Variants in EVC observed in about 807,000 individuals in gnomAD.
EVC encodes the protein EvC ciliary complex subunit 1, also known as evC complex member EVC.
Under a neutral mutation model 118.9 loss-of-function variants are expected in EVC, and 116 were observed. The ratio of observed to expected loss-of-function variants is 0.98; its 90% CI spans 0.84 to 1.14. The LOEUF is 1.14. Ranked by LOEUF, EVC falls within the 50% of genes most tolerant of loss-of-function variation. EVC has a pLI of 0.00. For synonymous variants in EVC, 619 were observed against 534.7 expected (o/e 1.16, Z -2.18); for missense variants, 1,401 against 1,246.4 (o/e 1.12, Z -1.87).
At chr4:5,732,661 G>T (rs1278461028) in intron 4 of EVC, among the ~76,000 whole-genome samples, 3 of 152,202 alleles carry the variant, frequency 2.0e-5, no homozygotes, top group African/African-American at 7.2e-5. Flanking sequence ...TGTAAAATGG[G>T]CATGAGAATG....
At chr4:5,762,130 C>T (rs1577477103) in intron 11 of EVC, among the ~76,000 whole-genome samples, 1 of 138,134 alleles carries the variant, frequency 7.2e-6, no homozygotes, top group African/African-American at 2.7e-5. Context: ...CAATTCCCAC[C>T]TATGAGTGAG....
chr4:5,720,628 C>T (rs574873693), intron 2 of EVC, among the ~76,000 whole-genome samples: 25 of 152,346 alleles, frequency 1.6e-4, no homozygotes, highest in African/African-American at 4.6e-4. Flanking sequence ...TCAGCTTTTG[C>T]GTTAGCCCTG....
intron 3 of EVC, among the ~76,000 whole-genome samples, chr4:5,730,741 G>A (rs185542688): frequency 1.3e-5 from 2 of 152,140 alleles, no homozygotes; most frequent in Admixed American, 1.3e-4. Context: ...CAACAAATGG[G>A]GGGTGTTTCA....
chr4:5,758,378 C>A (rs1462807737), intron 11 of EVC: 5 of 472,764 alleles, frequency 1.1e-5, no homozygotes, highest in African/African-American at 5.9e-5. Context: ...TTGTTCAGGG[C>A]TAGCTCCTAT....
intron 11 of EVC, among the ~76,000 whole-genome samples, chr4:5,769,107 C>G (rs1733520964): frequency 6.6e-6 from 1 of 152,132 alleles, no homozygotes; most frequent in Admixed American, 6.5e-5. Context: ...ATACCCGAGA[C>G]TGAGTAATTT....
At chr4:5,818,054 T>A (rs927367135), downstream of EVC, among the ~76,000 whole-genome samples, 8 of 152,174 alleles carry the variant, frequency 5.3e-5, no homozygotes, top group Non-Finnish European at 1.2e-4. Flanking sequence ...AATTCCGTGA[T>A]GTGGGAGGGA....
In EVC at chr4:5,783,759, C is replaced by A; in HGVS notation, c.1771C>A (p.Gln591Lys). The A allele has an allele frequency of 6.2e-7, 1 of 1,609,810 alleles. No homozygotes were observed. The highest frequency in any genetic ancestry group is 1.1e-5 in the South Asian group (1 of 90,526). Reference protein sequence around the residue: ...KLFQELLEQDQQVWMEECALS... With the variant: ...KLFQELLEQDKQVWMEECALS... ...CTTCCAGGAGCTCCTAGAGCAAGAC[C>A]AGCAGGTGCGGGCATTTGGGAACCC... Residue 591 changes from glutamine (Q) to lysine (K), a missense_variant, in exon 12 of 21, where the codon CAG becomes AAG. Coordinates refer to ENST00000264956, the MANE Select transcript of EVC (RefSeq NM_153717.3).
At chr4:5,767,218 C>T (rs1245586180) in intron 11 of EVC, among the ~76,000 whole-genome samples, 2 of 152,090 alleles carry the variant, frequency 1.3e-5, no homozygotes, top group Non-Finnish European at 2.9e-5. Context: ...CCTCGGGGGC[C>T]AGGGTTCAGG....
chr4:5,793,798 T>G, intron 13 of EVC, 81 bp downstream of exon 13: 1 of 1,088,456 alleles, frequency 9.2e-7, no homozygotes, highest in Non-Finnish European at 1.4e-6. Context: ...ATCTGTACAG[T>G]GGGCACGCTG....
In EVC at chr4:5,758,602, T is replaced by C. The variant is rs556510700; in HGVS notation, c.1563+2240T>C. Among the ~76,000 whole-genome samples the C allele has an allele frequency of 1.8e-3, 280 of 152,282 alleles. 1 individual carries two copies. Among genetic ancestry groups the C allele is most frequent in the Non-Finnish European group, 2.5e-3 (172 of 68,024 alleles). ...CAAGACTCACATCCCTGGCTGGGCA[T>C]GGGGAAACCAAGTTCTAATCTTCCT... On this transcript the variant is annotated intron_variant, in intron 11 of 20. Coordinates refer to ENST00000264956, the MANE Select transcript of EVC (RefSeq NM_153717.3).
intron 8 of EVC, among the ~76,000 whole-genome samples, chr4:5,750,597 G>C (rs1441007564): frequency 6.6e-6 from 1 of 152,116 alleles, no homozygotes; most frequent in East Asian, 1.9e-4. Context: ...TCTGTGATTT[G>C]GTTTCATTTT....
intron 20 of EVC, among the ~76,000 whole-genome samples, chr4:5,810,748 G>T (rs762123456): frequency 6.6e-6 from 1 of 152,160 alleles, no homozygotes; most frequent in Non-Finnish European, 1.5e-5. Context: ...CTTTGACCAG[G>T]GATGGCTGTG....
intron 11 of EVC, among the ~76,000 whole-genome samples, chr4:5,775,753 G>A (rs1396362059): frequency 6.6e-6 from 1 of 152,152 alleles, no homozygotes; most frequent in African/African-American, 2.4e-5. Context: ...TCTTGTAGAA[G>A]CTGTGTGTAC....
intron 12 of EVC, among the ~76,000 whole-genome samples, chr4:5,788,418 A>G (rs1577582037): frequency 6.6e-6 from 1 of 152,318 alleles, no homozygotes; most frequent in South Asian, 2.1e-4. Flanking sequence ...GAGAGCCAAC[A>G]GCTTCCAAAT....
At chr4:5,803,682 A>T (rs1715383995) in intron 16 of EVC, among the ~76,000 whole-genome samples, 2 of 152,098 alleles carry the variant, frequency 1.3e-5, no homozygotes, top group African/African-American at 4.8e-5. Context: ...CTTATTTAGT[A>T]ATCTGTTTTA....
At chr4:5,790,528 T>G (rs1260368088) in intron 12 of EVC, among the ~76,000 whole-genome samples, 1 of 152,142 alleles carries the variant, frequency 6.6e-6, no homozygotes, top group Non-Finnish European at 1.5e-5. Flanking sequence ...GAGTCCTTGG[T>G]TGTAGCATGG....
intron 11 of EVC, among the ~76,000 whole-genome samples, chr4:5,766,032 C>T (rs61230802): frequency 5.2e-5 from 7 of 133,558 alleles, no homozygotes; most frequent in African/African-American, 1.7e-4. Context: ...GATTTTGCAG[C>T]GGCTTGTACC....
intron 7 of EVC, 190 bp from the exon 8 acceptor site, chr4:5,747,958 C>T (rs1252295015): frequency 3.0e-6 from 2 of 662,456 alleles, no homozygotes; most frequent in Non-Finnish European, 5.3e-6. Flanking sequence ...ACACTGGAAC[C>T]AGACAATGGA....
intron 8 of EVC, 130 bp downstream of exon 8, chr4:5,748,436 A>T (rs1277617057): frequency 9.1e-6 from 8 of 880,472 alleles, no homozygotes; most frequent in Non-Finnish European, 3.4e-6. Context: ...GGGAAAAAAA[A>T]ACCAACAACA....
Sources: allele counts gnomAD v4.1 joint callset (sites outside exome capture counted in the v4.1 genomes callset), GRCh38; gene constraint gnomAD v4.1.1; transcripts MANE v1.5; gene names NCBI Gene and HGNC (gene_info 2026-07-23, HGNC 2026-07-21).